SGCZ: variants seen among roughly 807,000 people sequenced by gnomAD.
SGCZ encodes zeta-sarcoglycan.
A neutral mutation model predicts 41.3 loss-of-function variants in SGCZ; 40 were observed. The ratio of observed to expected loss-of-function variants is 0.97; its 90% confidence interval spans 0.75 to 1.26. The LOEUF (loss-of-function observed/expected upper bound fraction) is 1.26. Ranked by LOEUF, SGCZ falls within the 50% of genes most tolerant of loss-of-function variation. The pLI is 0.00. For missense variants in SGCZ, 552 were observed against 369.8 expected, an observed-to-expected ratio of 1.49 and a Z score of -4.04; for synonymous variants, 206 against 137.5, an observed-to-expected ratio of 1.50 and a Z score of -3.49.
intron 1 of SGCZ, among the ~76,000 whole-genome samples, chr8:14,673,817 T>C (rs1235103665): frequency 1.3e-5 from 2 of 152,178 alleles, no homozygotes; most frequent in East Asian, 3.9e-4. Flanking sequence ...TCAATTATTC[T>C]AGGCCCTAAA....
At chr8:15,197,529 A>C (rs959950570) in intron 1 of SGCZ, among the ~76,000 whole-genome samples, 4 of 152,202 alleles carry the variant, frequency 2.6e-5, no homozygotes, top group African/African-American at 9.7e-5. Context: ...AAATAATAGA[A>C]ACTGAAGCAG....
intron 3 of SGCZ, among the ~76,000 whole-genome samples, chr8:14,263,669 A>T (rs905949851): frequency 7.2e-5 from 11 of 152,324 alleles, no homozygotes; most frequent in Admixed American, 1.3e-4. Context: ...CCACAGAAAC[A>T]TCAAATTTAG....
chr8:15,046,250 A>C lies in SGCZ; in HGVS notation c.39+191335T>G, dbSNP rs73522809. ...CTTCACATATACCATGGAACACTGA[A>C]GAACGAGTAAGTGCTAGATAAACAA... is the stretch of plus-strand genomic sequence containing the variant. On this transcript the variant is annotated intron_variant, in intron 1 of 7. Transcript: ENST00000382080. Among the ~76,000 whole-genome samples, 219 of 152,224 alleles carry C rather than the reference A, an allele frequency of 1.4e-3. 1 individual carries two copies. The highest frequency in any genetic ancestry group is 4.8e-3 in the African/African-American group (199 of 41,558).
intron 1 of SGCZ, among the ~76,000 whole-genome samples, chr8:14,647,820 AT>A (rs1404749758): frequency 6.6e-6 from 1 of 151,990 alleles, no homozygotes; most frequent in East Asian, 1.9e-4. Context: ...CCACTTCACT[AT>A]TTTCTTCAGT....
At chr8:14,681,568 G>T (rs4831634) in intron 1 of SGCZ, among the ~76,000 whole-genome samples, 1 of 151,950 alleles carries the variant, frequency 6.6e-6, no homozygotes, top group East Asian at 1.9e-4. Flanking sequence ...ATAAAGAGAA[G>T]CTAAAGTTAT....
At chr8:14,695,692 C>A (rs1808936573) in intron 1 of SGCZ, among the ~76,000 whole-genome samples, 1 of 150,064 alleles carries the variant, frequency 6.7e-6, no homozygotes, top group African/African-American at 2.4e-5. Context: ...TAAACATGCA[C>A]ACGCACACAC....
chr8:14,746,760 GT>G (rs1256319220), intron 1 of SGCZ, among the ~76,000 whole-genome samples: 1 of 152,132 alleles, frequency 6.6e-6, no homozygotes, highest in Admixed American at 6.6e-5. Flanking sequence ...GAACATTGGG[GT>G]TTTTTGTGTG....
At chr8:15,006,915 T>C (rs7812667) in intron 1 of SGCZ, among the ~76,000 whole-genome samples, 58,986 of 152,160 alleles carry the variant, frequency 0.39, 12,631 homozygotes, top group Non-Finnish European at 0.48. Flanking sequence ...GACTTTTGTA[T>C]ATTGAAATAT....
chr8:14,171,181 A>C (rs1804369401), intron 4 of SGCZ, among the ~76,000 whole-genome samples: 1 of 145,450 alleles, frequency 6.9e-6, no homozygotes, highest in African/African-American at 2.5e-5. Flanking sequence ...ACACCTCAGA[A>C]TTTTTTTCTT....
At chr8:14,797,448 T>C (rs1255097687) in intron 1 of SGCZ, among the ~76,000 whole-genome samples, 1 of 152,138 alleles carries the variant, frequency 6.6e-6, no homozygotes, top group Admixed American at 6.5e-5. Flanking sequence ...GAGCTCTGTG[T>C]AACACTGAAC....
chr8:14,962,657 G>A (rs1358515857), intron 1 of SGCZ, among the ~76,000 whole-genome samples: 2 of 152,236 alleles, frequency 1.3e-5, no homozygotes, highest in East Asian at 3.9e-4. Context: ...AAGTAACACA[G>A]TCACTAATCA....
chr8:14,170,867 G>C (rs755785859), intron 4 of SGCZ, among the ~76,000 whole-genome samples: 3 of 152,052 alleles, frequency 2.0e-5, no homozygotes, highest in Non-Finnish European at 4.4e-5. Flanking sequence ...TATTATGCAA[G>C]TGTAGAATCA....
intron 1 of SGCZ, among the ~76,000 whole-genome samples, chr8:14,648,875 C>G (rs934108664): frequency 2.0e-5 from 3 of 152,060 alleles, no homozygotes; most frequent in African/African-American, 4.8e-5. Context: ...TGTTTTACTG[C>G]TGGCATATAT....
chr8:15,002,054 T>C (rs1428143133), intron 1 of SGCZ, among the ~76,000 whole-genome samples: 1 of 152,142 alleles, frequency 6.6e-6, no homozygotes, highest in African/African-American at 2.4e-5. Flanking sequence ...TTCTCAAAAA[T>C]TGTTGCATAG....
At chr8:14,322,926 G>T (rs964715568) in intron 3 of SGCZ, among the ~76,000 whole-genome samples, 1 of 151,992 alleles carries the variant, frequency 6.6e-6, no homozygotes, top group African/African-American at 2.4e-5. Flanking sequence ...ACAAAATAAA[G>T]CAAAAGAACT....
At chr8:14,328,496 T>C (rs11991024) in intron 2 of SGCZ, among the ~76,000 whole-genome samples, 7,054 of 152,246 alleles carry the variant, frequency 0.046, 545 homozygotes, top group African/African-American at 0.16. Context: ...GTTATGTGTC[T>C]ATGATAAAGA....
chr8:14,115,799 G>T (rs1431352107), intron 5 of SGCZ, among the ~76,000 whole-genome samples: 2 of 151,728 alleles, frequency 1.3e-5, no homozygotes, highest in Non-Finnish European at 2.9e-5. Context: ...TTTCTTTGGG[G>T]GGTGGGGGTG....
At chr8:14,536,383 T>G (rs143960364) in intron 2 of SGCZ, among the ~76,000 whole-genome samples, 3 of 152,014 alleles carry the variant, frequency 2.0e-5, no homozygotes, top group African/African-American at 7.2e-5. Context: ...TATCGCACTG[T>G]AAACATACAA....
At chr8:14,560,369 A>T (rs1451893555) in intron 1 of SGCZ, among the ~76,000 whole-genome samples, 2 of 152,008 alleles carry the variant, frequency 1.3e-5, no homozygotes, top group African/African-American at 4.8e-5. Flanking sequence ...TAAAAAGCAG[A>T]ATTTTAAAAA....
Sources: allele counts gnomAD v4.1 joint callset (sites outside exome capture counted in the v4.1 genomes callset), GRCh38; gene constraint gnomAD v4.1.1; transcripts MANE v1.5; gene names NCBI Gene and HGNC (gene_info 2026-07-23, HGNC 2026-07-21).